ZNF860: variants seen among roughly 807,000 people sequenced by gnomAD.
ZNF860 encodes the protein zinc finger protein 860.
For missense variants in ZNF860, 641 were observed against 759.2 expected (o/e 0.84, Z 1.83); for synonymous variants, 206 against 248.9 (o/e 0.83, Z 1.62).
At chr3:31,987,674 C>T (rs1243599259) in intron 1 of ZNF860, among the ~76,000 whole-genome samples, 1 of 152,156 alleles carries the variant, frequency 6.6e-6, no homozygotes, top group Non-Finnish European at 1.5e-5. Context: ...GTTTTCATGG[C>T]ATGGGGAGGG....
chr3:31,999,335 CTT>C, the ZNF860 span, among the ~76,000 whole-genome samples: 1 of 145,072 alleles, frequency 6.9e-6, no homozygotes, highest in Admixed American at 6.9e-5. Context: ...CTTTGGGAGA[CTT>C]TTCAGATAAA....
chr3:31,992,553 A>T (rs1443413584), downstream of ZNF860, among the ~76,000 whole-genome samples: 1 of 152,140 alleles, frequency 6.6e-6, no homozygotes, highest in East Asian at 1.9e-4. Context: ...CAGCAAGGAC[A>T]TCACTCCAAT....
chr3:32,000,021 GC>G, the ZNF860 span, among the ~76,000 whole-genome samples: 3 of 152,090 alleles, frequency 2.0e-5, no homozygotes, highest in Non-Finnish European at 2.9e-5. Flanking sequence ...GATGATCTTT[GC>G]CACAAAGATA....
intron 1 of ZNF860, among the ~76,000 whole-genome samples, chr3:31,983,107 G>A (rs1003727762): frequency 6.6e-6 from 1 of 152,188 alleles, no homozygotes; most frequent in Non-Finnish European, 1.5e-5. Flanking sequence ...CATGTAACAT[G>A]CACAAAATGT....
At position 31,990,197 on chromosome 3, in the gene ZNF860, A is replaced by G. The variant is rs755757253; in HGVS notation, c.1118A>G (p.Asn373Ser). 41 of 1,613,992 alleles carry G rather than the reference A, an allele frequency of 2.5e-5. No individual in the cohort carries two copies. In the African/African-American group the frequency reaches 3.9e-4, roughly 15 times the overall value. ...IHTGEKPYKC[N>S]ECGKAFSGQS... ...ACTGGAGAGAAACCTTACAAGTGTA[A>G]TGAGTGTGGCAAAGCCTTTAGTGGG... is the stretch of plus-strand genomic sequence containing the variant. The change falls in exon 2 of 2, where the codon AAT (asparagine) becomes AGT (serine). Residue 373 changes from asparagine to serine, a missense_variant. Physicochemically the swap from Asn to Ser is conservative, Grantham distance 46. Coordinates refer to ENST00000360311, the MANE Select transcript of ZNF860 (RefSeq NM_001137674.3).
At chr3:31,985,675 G>C (rs1698924609) in intron 1 of ZNF860, among the ~76,000 whole-genome samples, 1 of 152,310 alleles carries the variant, frequency 6.6e-6, no homozygotes, top group Non-Finnish European at 1.5e-5. Context: ...CACGAATAGA[G>C]AGAAAATTAT....
downstream of ZNF860, among the ~76,000 whole-genome samples, chr3:31,995,322 C>G (rs60307779): frequency 6.6e-6 from 1 of 152,192 alleles, no homozygotes; most frequent in Admixed American, 6.5e-5. Flanking sequence ...CCAGAGCGGC[C>G]GTTTATAGAC....
chr3:32,001,595 A>C, the ZNF860 span, among the ~76,000 whole-genome samples: 2 of 152,262 alleles, frequency 1.3e-5, no homozygotes, highest in Admixed American at 1.3e-4. Flanking sequence ...ACAGAGATTT[A>C]TATTCTGTAC....
chr3:32,005,929 ATTTATTTTATTT>A, the ZNF860 span, among the ~76,000 whole-genome samples: 1 of 150,592 alleles, frequency 6.6e-6, no homozygotes, highest in Non-Finnish European at 1.5e-5. Context: ...TACTTTATTT[ATTTATTTTATTT>A]TTTATTTTAT....
the ZNF860 span, among the ~76,000 whole-genome samples, chr3:32,001,527 A>G: frequency 6.6e-6 from 1 of 152,224 alleles, no homozygotes; most frequent in Admixed American, 6.5e-5. Flanking sequence ...TATTCAACTC[A>G]TTAATTAATA....
chr3:31,997,532 G>T, the ZNF860 span, among the ~76,000 whole-genome samples: 1 of 151,700 alleles, frequency 6.6e-6, no homozygotes, highest in Non-Finnish European at 1.5e-5. Flanking sequence ...CAAAATGCTG[G>T]GATTACAGCC....
Position 31,990,972 on chromosome 3 carries a change from C to G in ZNF860, c.1893C>G (p.Phe631Leu). ...AATGTCATAAGCGTGGCAAGGTCTTCAGTTAGAGGTCACTCCTTGCAAAAC... is the reference window on the plus strand; with the variant it reads ...AATGTCATAAGCGTGGCAAGGTCTTGAGTTAGAGGTCACTCCTTGCAAAAC... Reference protein sequence around the residue: ...SYKCHKRGKVFS With the variant: ...SYKCHKRGKVLS The change falls in exon 2 of 2, where the codon TTC (phenylalanine) becomes TTG (leucine). Residue 631 changes from phenylalanine (F) to leucine (L), a missense_variant. Transcript: ENST00000360311. The G allele has an allele frequency of 6.4e-7, 1 of 1,571,102 alleles. No individual in the cohort carries two copies. Among genetic ancestry groups the G allele is most frequent in the Non-Finnish European group, 8.6e-7 (1 of 1,158,290 alleles).
chr3:32,002,860 G>A, the ZNF860 span, among the ~76,000 whole-genome samples: 1 of 140,008 alleles, frequency 7.1e-6, no homozygotes, highest in East Asian at 1.9e-4. Flanking sequence ...GAATGGCCAG[G>A]CAGATTTTAA....
At chr3:31,994,822 C>T (rs1699072403), downstream of ZNF860, among the ~76,000 whole-genome samples, 1 of 152,138 alleles carries the variant, frequency 6.6e-6, no homozygotes, top group East Asian at 1.9e-4. Flanking sequence ...GGGGAACTTG[C>T]CCCCAATATT....
At chr3:31,983,212 C>G (rs935800536) in intron 1 of ZNF860, among the ~76,000 whole-genome samples, 1 of 152,174 alleles carries the variant, frequency 6.6e-6, no homozygotes, top group Non-Finnish European at 1.5e-5. Flanking sequence ...TTCATTGAGT[C>G]CTGCATTGAC....
chr3:32,002,438 A>G, the ZNF860 span, among the ~76,000 whole-genome samples: 1 of 152,232 alleles, frequency 6.6e-6, no homozygotes, highest in African/African-American at 2.4e-5. Flanking sequence ...ACAGACTCAA[A>G]GCAAGATAGG....
downstream of ZNF860, among the ~76,000 whole-genome samples, chr3:31,995,420 C>A (rs977695293): frequency 8.5e-5 from 13 of 152,180 alleles, no homozygotes; most frequent in Non-Finnish European, 1.8e-4. Context: ...ATTTGCATGT[C>A]CATTTATAGG....
At position 31,989,562 on chromosome 3, in the gene ZNF860, G is replaced by A. The variant is rs376800921; in HGVS notation, c.483G>A (p.Ser161=). ...ATCAGCTTGGATTAAGCTTTCATTC[G>A]CATCTTCCTGAACTCCACATATTTC... ...IKDQLGLSFH[S]HLPELHIFQT... Residue 161 remains serine (S), a synonymous_variant, in exon 2 of 2, where the codon TCG becomes TCA. Transcript: ENST00000360311. 26 of 1,614,008 alleles carry A rather than the reference G, an allele frequency of 1.6e-5. No individual in the cohort carries two copies. The highest frequency in any genetic ancestry group is 4.5e-5 in the East Asian group (2 of 44,896).
the ZNF860 span, among the ~76,000 whole-genome samples, chr3:32,001,125 C>T: frequency 2.6e-5 from 4 of 152,288 alleles, no homozygotes; most frequent in African/African-American, 9.6e-5. Context: ...TTCCTGAAGC[C>T]TGGCTGATCA....
Sources: gnomAD v4.1 joint callset for allele counts (sites outside exome capture counted in the v4.1 genomes callset) on GRCh38, gnomAD v4.1.1 for gene constraint, MANE v1.5 for transcripts, NCBI Gene and HGNC (gene_info 2026-07-23, HGNC 2026-07-21) for gene names.